The following MMP26 variants were observed in gnomAD, a reference collection of about 807,000 sequenced individuals.
MMP26 encodes matrix metallopeptidase 26.
In MMP26, 33 loss-of-function variants were observed where a neutral mutation model predicts 31.0. That is an observed-to-expected ratio of 1.06 (90% CI 0.81 to 1.42). The LOEUF (loss-of-function observed/expected upper bound fraction) is 1.42, where lower values mean the gene tolerates loss of function less well. Among genes scored for constraint, MMP26 ranks in the 40% most tolerant of loss-of-function variants. The probability of loss-of-function intolerance (pLI) is 0.00; values close to 1 mark genes in which losing one functional copy is unlikely to be tolerated. For synonymous variants in MMP26, 122 were observed against 114.9 expected (o/e 1.06, Z -0.40); for missense variants, 347 against 316.1 (o/e 1.10, Z -0.74).
chr11:4,827,768 A>G (rs1352159340), intron 2 of MMP26, among the ~76,000 whole-genome samples: 3 of 151,940 alleles, frequency 2.0e-5, no homozygotes. Flanking sequence ...ATTTTATTTC[A>G]TCTTTTTCCT....
intron 1 of MMP26, among the ~76,000 whole-genome samples, chr11:4,715,844 C>T (rs2133269735): frequency 6.6e-6 from 1 of 152,284 alleles, no homozygotes; most frequent in East Asian, 1.9e-4. Context: ...TGGGATATCA[C>T]TCCCATGATT....
chr11:4,853,914 A>G (rs1055721109), intron 2 of MMP26, among the ~76,000 whole-genome samples: 7 of 151,806 alleles, frequency 4.6e-5, no homozygotes, highest in East Asian at 3.9e-4. Context: ...TGGCTACATA[A>G]AAAAAAAATT....
chr11:4,875,024 C>T (rs1865286), intron 2 of MMP26, among the ~76,000 whole-genome samples: 63,940 of 151,922 alleles, frequency 0.42, 15,551 homozygotes, highest in Non-Finnish European at 0.55. Flanking sequence ...AGTTTTAACA[C>T]GCATGGCACT....
intron 1 of MMP26, among the ~76,000 whole-genome samples, chr11:4,740,822 T>C (rs1589888179): frequency 6.6e-6 from 1 of 152,188 alleles, no homozygotes; most frequent in East Asian, 1.9e-4. Flanking sequence ...GAAAGTACCT[T>C]AGAGACATTT....
intron 2 of MMP26, among the ~76,000 whole-genome samples, chr11:4,881,622 G>T (rs185601515): frequency 1.3e-5 from 2 of 152,000 alleles, no homozygotes; most frequent in East Asian, 3.9e-4. Context: ...TATCCAAATT[G>T]TCTCATTAGC....
chr11:4,747,611 C>T lies in MMP26; in HGVS notation c.-216-19659C>T, dbSNP rs74627436. Among the ~76,000 whole-genome samples the T allele has an allele frequency of 6.6e-3, 1,001 of 151,894 alleles. 33 individuals are homozygous for T. The East Asian group carries it at 0.084, about 13-fold the overall frequency. ...TGTATATTAATATTTCATTAAAAAC[C>T]TTTTAAAGAGGTCTTTATGTTTTAT... On this transcript the variant is annotated intron_variant, in intron 1 of 7. Transcript: ENST00000380390.
At chr11:4,764,879 G>GACACACACAC (rs60775849) in intron 1 of MMP26, among the ~76,000 whole-genome samples, 2 of 150,276 alleles carry the variant, frequency 1.3e-5, no homozygotes, top group African/African-American at 4.9e-5. Flanking sequence ...CTCCATCACA[G>GACACACACAC]ACACACACAC....
intron 2 of MMP26, chr11:4,881,985 T>C (rs1309842576): frequency 6.2e-7 from 1 of 1,613,902 alleles, no homozygotes; most frequent in Admixed American, 1.7e-5. Context: ...CATGTCTGGA[T>C]CTCCATTCCA....
At chr11:4,707,959 C>T (rs897697176) in intron 1 of MMP26, among the ~76,000 whole-genome samples, 1 of 152,182 alleles carries the variant, frequency 6.6e-6, no homozygotes, top group Admixed American at 6.5e-5. Flanking sequence ...CTGGTCTTTT[C>T]TTTAAATACT....
chr11:4,946,102 C>A, intron 2 of MMP26: 1 of 1,498,084 alleles, frequency 6.7e-7, no homozygotes, highest in Admixed American at 1.8e-5. Flanking sequence ...TTAGGTTTCT[C>A]AAATTTACCT....
intron 2 of MMP26, among the ~76,000 whole-genome samples, chr11:4,963,538 A>G (rs899424328): frequency 2.0e-5 from 3 of 152,240 alleles, no homozygotes; most frequent in Non-Finnish European, 4.4e-5. Context: ...AAACGGATAT[A>G]TAGACCGATG....
At chr11:4,847,263 TG>T (rs545076694) in intron 2 of MMP26, among the ~76,000 whole-genome samples, 2 of 152,214 alleles carry the variant, frequency 1.3e-5, no homozygotes, top group Non-Finnish European at 2.9e-5. Flanking sequence ...TTGTCCCTCC[TG>T]ATGTGGATGT....
intron 2 of MMP26, among the ~76,000 whole-genome samples, chr11:4,784,158 A>T (rs1158937744): frequency 6.6e-6 from 1 of 152,176 alleles, no homozygotes; most frequent in Non-Finnish European, 1.5e-5. Flanking sequence ...AGGCCTCCTC[A>T]TTTACAATAT....
At chr11:4,817,738 T>C (rs4910686) in intron 2 of MMP26, among the ~76,000 whole-genome samples, 15,125 of 152,264 alleles carry the variant, frequency 0.099, 919 homozygotes, top group Middle Eastern at 0.17. Flanking sequence ...TGCTTCAGTC[T>C]AGTGTGAGGA....
At chr11:4,978,306 G>C (rs1027938735) in intron 2 of MMP26, among the ~76,000 whole-genome samples, 13 of 152,052 alleles carry the variant, frequency 8.5e-5, no homozygotes, top group Admixed American at 8.5e-4. Flanking sequence ...AGTGTCAAGG[G>C]ATGCCCAGGG....
chr11:4,976,468 T>G (rs1466915531), intron 2 of MMP26, among the ~76,000 whole-genome samples: 1 of 152,024 alleles, frequency 6.6e-6, no homozygotes, highest in African/African-American at 2.4e-5. Context: ...AGACTTGCAA[T>G]TAGAACATCA....
At chr11:4,955,836 T>G (rs1846435815) in intron 2 of MMP26, 1 of 652,064 alleles carries the variant, frequency 1.5e-6, no homozygotes, top group African/African-American at 1.8e-5. Flanking sequence ...GTGTTAAAAT[T>G]TGTGGCTTCT....
At chr11:4,983,658 GC>G (rs1302395244) in intron 2 of MMP26, among the ~76,000 whole-genome samples, 1 of 152,140 alleles carries the variant, frequency 6.6e-6, no homozygotes, top group Non-Finnish European at 1.5e-5. Flanking sequence ...AGAGATAGGG[GC>G]CTGTTTCCAT....
intron 1 of MMP26, among the ~76,000 whole-genome samples, chr11:4,719,924 A>G (rs1201018266): frequency 6.6e-6 from 1 of 152,230 alleles, no homozygotes; most frequent in Non-Finnish European, 1.5e-5. Context: ...CCTTAAAGAG[A>G]TAAGTAACAT....
Sources: gnomAD v4.1 joint callset for allele counts (sites outside exome capture counted in the v4.1 genomes callset) on GRCh38, gnomAD v4.1.1 for gene constraint, MANE v1.5 for transcripts, NCBI Gene and HGNC (gene_info 2026-07-23, HGNC 2026-07-21) for gene names.